CELF1: variants seen among roughly 807,000 people sequenced by gnomAD.
CELF1 encodes CUGBP Elav-like family member 1.
CELF1 carries 10 observed loss-of-function variants against 61.8 expected under a neutral mutation model. The ratio of observed to expected loss-of-function variants is 0.16; its 90% confidence interval spans 0.10 to 0.27. The LOEUF is 0.27. Ranked by LOEUF, CELF1 falls within the 10% of genes least tolerant of loss-of-function variation. CELF1 has a pLI of 1.00. For missense variants in CELF1, 380 were observed against 639.1 expected, an observed-to-expected ratio of 0.59 and a Z score of 4.37; for synonymous variants, 236 against 225.1, an observed-to-expected ratio of 1.05 and a Z score of -0.43.
intron 9 of CELF1, among the ~76,000 whole-genome samples, chr11:47,481,026 C>A (rs778345777): frequency 2.2e-4 from 32 of 147,944 alleles, no homozygotes; most frequent in Non-Finnish European, 4.0e-4. Context: ...ACAACCCCAA[C>A]TCTTTATATT....
At chr11:47,542,496 ATTTTTT>A (rs112443041) in intron 1 of CELF1, among the ~76,000 whole-genome samples, 1 of 121,810 alleles carries the variant, frequency 8.2e-6, no homozygotes, top group Non-Finnish European at 1.8e-5. Context: ...TACTTTCTCC[ATTTTTT>A]TTTTTTTTTT....
intron 1 of CELF1, among the ~76,000 whole-genome samples, chr11:47,505,457 CCTCT>C (rs765192190): frequency 5.3e-5 from 8 of 150,454 alleles, no homozygotes; most frequent in Non-Finnish European, 1.0e-4. Flanking sequence ...GGTGAAATCC[CCTCT>C]CTACTAAAAA....
Position 47,467,928 on chromosome 11 carries a change from G to A in CELF1, c.*4302C>T, listed in dbSNP as rs1014930787. The A allele has an allele frequency of 6.6e-6, 1 of 152,050 alleles. No individual in the cohort carries two copies. The highest frequency in any genetic ancestry group is 6.6e-5 in the Admixed American group (1 of 15,258). The allele number at this position is 152,050 out of a possible 1,614,324, so 9.4% of individuals were successfully genotyped here. On this transcript the variant is annotated 3_prime_UTR_variant, in exon 15 of 15. Coordinates refer to ENST00000687097, the MANE Select transcript of CELF1 (RefSeq NM_001376376.1). ...AGCTTCTTTGAAACCCTTTTAAATCGATCAGTTTTTGCACAAACTATAGAA... is the reference window on the plus strand; with the variant it reads ...AGCTTCTTTGAAACCCTTTTAAATCAATCAGTTTTTGCACAAACTATAGAA...
chr11:47,553,105 C>A lies in CELF1; in HGVS notation c.-267G>T, dbSNP rs1399735277. ...CGGGGGAGCCTCCGCGTCCCGCCGC[C>A]GCTGCCGCTGCCGCCAGAGCAGAAC... On this transcript the variant is annotated 5_prime_UTR_variant, in exon 1 of 15. Transcript: ENST00000687097. The A allele has an allele frequency of 2.5e-6, 1 of 398,132 alleles. No individual in the cohort carries two copies. Among genetic ancestry groups the A allele is most frequent in the Non-Finnish European group, 4.4e-6 (1 of 225,966 alleles). 24.7% of individuals were successfully genotyped at this position (398,132 alleles called of 1,614,324 possible). A position where few individuals can be genotyped will look rare whatever the true frequency, so the allele number is the denominator to read the frequency against.
At position 47,499,368 on chromosome 11, in the gene CELF1, T is replaced by TA. The variant is rs2093613894; in HGVS notation, c.71+84dup. On this transcript the variant is annotated intron_variant, in intron 3 of 14. Transcript: ENST00000687097. ...TTCCCCATTTTTCTCTTCCCCTTCTTAAAAAAAGGAACCAATTTCATCAAA... is the reference window on the plus strand; with the variant it reads ...TTCCCCATTTTTCTCTTCCCCTTCTTAAAAAAAAGGAACCAATTTCATCAAA... 97 of 1,110,878 alleles carry TA rather than the reference T, an allele frequency of 8.7e-5. 3 individuals carry two copies. The South Asian group carries it at 1.3e-3, about 15-fold the overall frequency. The allele number at this position is 1,110,878 out of a possible 1,614,324, so 68.8% of individuals were successfully genotyped here. A position where few individuals can be genotyped will look rare whatever the true frequency, so the allele number is the denominator to read the frequency against.
chr11:47,543,874 T>G (rs1023382253), intron 1 of CELF1, among the ~76,000 whole-genome samples: 2 of 152,202 alleles, frequency 1.3e-5, no homozygotes, highest in African/African-American at 2.4e-5. Context: ...CTCTAAATAT[T>G]AGAGCCCTCC....
intron 2 of CELF1, among the ~76,000 whole-genome samples, chr11:47,560,656 T>C (rs1215591479): frequency 6.6e-6 from 1 of 152,136 alleles, no homozygotes; most frequent in Non-Finnish European, 1.5e-5. Context: ...ATATTGGTGA[T>C]AGTTGTGCAA....
chr11:47,558,583 A>G (rs867029567), intron 2 of CELF1, among the ~76,000 whole-genome samples: 3 of 110,926 alleles, frequency 2.7e-5, no homozygotes, highest in African/African-American at 7.7e-5. Context: ...AAATATATAT[A>G]TATATTTATA....
intron 1 of CELF1, among the ~76,000 whole-genome samples, chr11:47,520,331 C>T (rs143267728): frequency 6.6e-6 from 1 of 152,314 alleles, no homozygotes; most frequent in East Asian, 1.9e-4. Flanking sequence ...TTGCTACCCT[C>T]CACTGAATTA....
At chr11:47,478,594 C>T (rs1477831839) in intron 10 of CELF1, among the ~76,000 whole-genome samples, 2 of 152,088 alleles carry the variant, frequency 1.3e-5, no homozygotes, top group African/African-American at 2.4e-5. Flanking sequence ...AGAGAACAGC[C>T]TCAGTCTATA....
chr11:47,528,158 AAGG>A (rs1330490845), intron 1 of CELF1, among the ~76,000 whole-genome samples: 1 of 151,502 alleles, frequency 6.6e-6, no homozygotes, highest in Non-Finnish European at 1.5e-5. Context: ...TGTACATGAA[AAGG>A]AATTGCTCCA....
upstream of CELF1, among the ~76,000 whole-genome samples, chr11:47,555,211 GC>G (rs1565919649): frequency 6.6e-6 from 1 of 152,148 alleles, no homozygotes; most frequent in African/African-American, 2.4e-5. Flanking sequence ...CTTGGAACCT[GC>G]CCATGAGCTA....
chr11:47,476,648 G>A (rs530065807), intron 12 of CELF1, among the ~76,000 whole-genome samples, 198 bp downstream of exon 12: 3 of 152,186 alleles, frequency 2.0e-5, no homozygotes, highest in East Asian at 1.9e-4. Flanking sequence ...GAATGGTCTC[G>A]ATCTCCTGAC....
Position 47,472,183 on chromosome 11 carries a change from C to T in CELF1, c.*47G>A, listed in dbSNP as rs1413700823. 1 of 1,606,920 alleles carries T rather than the reference C, an allele frequency of 6.2e-7. No individual in the cohort carries two copies. On this transcript the variant is annotated 3_prime_UTR_variant, in exon 15 of 15. Coordinates refer to ENST00000687097, the MANE Select transcript of CELF1 (RefSeq NM_001376376.1). Reference sequence around the variant, plus strand: ...TCGAATCATTAAGGGTGCTCCTCCCCCACTTACCAGAAGACCCTCTCACTC... The same window carrying T: ...TCGAATCATTAAGGGTGCTCCTCCCTCACTTACCAGAAGACCCTCTCACTC...
rs896411962 is a variant in CELF1, at chr11:47,466,274, ATT to A, written c.*5954_*5955del. On this transcript the variant is annotated 3_prime_UTR_variant, in exon 15 of 15. Transcript: ENST00000687097. The stretch of plus-strand genomic sequence containing the variant: ...CAACACAAGTTCACACAAAAAAGAC[ATT>A]TTCTTTTGCAAATCAAAACAGGAAA... 33 of 152,242 alleles carry A rather than the reference ATT, an allele frequency of 2.2e-4. No individual in the cohort carries two copies. Among genetic ancestry groups the A allele is most frequent in the Admixed American group, 2.2e-3 (33 of 15,286 alleles). The allele number at this position is 152,242 out of a possible 1,614,324, so 9.4% of individuals were successfully genotyped here.
chr11:47,478,857 T>C lies in CELF1; in HGVS notation c.844+20A>G. The stretch of plus-strand genomic sequence containing the variant: ...GCTGGCCTGGGTGCTGCTGCTCCTC[T>C]GCAGCAGTGAAACACTTACCTCCCA... On this transcript the variant is annotated intron_variant, in intron 10 of 14. Coordinates refer to ENST00000687097, the MANE Select transcript of CELF1 (RefSeq NM_001376376.1). The C allele has an allele frequency of 1.9e-6, 3 of 1,596,012 alleles. No individual in the cohort carries two copies. Among genetic ancestry groups the C allele is most frequent in the Non-Finnish European group, 2.6e-6 (3 of 1,166,440 alleles).
intron 1 of CELF1, among the ~76,000 whole-genome samples, chr11:47,539,276 C>A (rs1246228272): frequency 2.0e-5 from 3 of 152,050 alleles, no homozygotes; most frequent in African/African-American, 4.8e-5. Context: ...TTCTAAACAC[C>A]AAATGCAAAT....
At chr11:47,527,215 C>T (rs2096276450) in intron 1 of CELF1, among the ~76,000 whole-genome samples, 1 of 151,530 alleles carries the variant, frequency 6.6e-6, no homozygotes, top group South Asian at 2.1e-4. Context: ...ATAAGGAGAC[C>T]TCATCTCTAC....
At chr11:47,549,659 G>C (rs1270476729) in intron 1 of CELF1, among the ~76,000 whole-genome samples, 3 of 152,110 alleles carry the variant, frequency 2.0e-5, no homozygotes, top group African/African-American at 7.2e-5. Context: ...GTTACCAGGG[G>C]CTAGTAGGAG....
Sources: allele counts gnomAD v4.1 joint callset (sites outside exome capture counted in the v4.1 genomes callset), GRCh38; gene constraint gnomAD v4.1.1; transcripts MANE v1.5; gene names NCBI Gene and HGNC (gene_info 2026-07-23, HGNC 2026-07-21).